UBE2O: variants seen among roughly 807,000 people sequenced by gnomAD.
UBE2O encodes (E3-independent) E2 ubiquitin-conjugating enzyme.
UBE2O carries 15 observed loss-of-function variants against 125.8 expected under a neutral mutation model. That is an observed-to-expected ratio of 0.12 (90% CI 0.08 to 0.18). The LOEUF (loss-of-function observed/expected upper bound fraction) is 0.18. UBE2O is among the 10% of genes least tolerant of loss of function. The pLI is 1.00. For missense variants in UBE2O, 1,280 were observed against 1,723.6 expected (o/e 0.74, Z 4.56); for synonymous variants, 708 against 703.2 (o/e 1.01, Z -0.11).
At chr17:76,407,844 T>C (rs346811) in intron 1 of UBE2O, among the ~76,000 whole-genome samples, 134,347 of 152,292 alleles carry the variant, frequency 0.88, 59,397 homozygotes, top group East Asian at 1. Context: ...CAGCTCCACC[T>C]CACCAGGATG....
intron 1 of UBE2O, among the ~76,000 whole-genome samples, chr17:76,407,231 C>T (rs369083653): frequency 6.6e-6 from 1 of 152,198 alleles, no homozygotes; most frequent in East Asian, 1.9e-4. Context: ...GCCCTGTGAG[C>T]TGCAGGGTGA....
chr17:76,401,217 T>G, intron 5 of UBE2O, 63 bp from the exon 6 acceptor site: 1 of 1,576,330 alleles, frequency 6.3e-7, no homozygotes, highest in Non-Finnish European at 8.6e-7. Flanking sequence ...GACCATGCTC[T>G]CCACGCCTGT....
chr17:76,445,234 T>C (rs12601703), intron 1 of UBE2O, among the ~76,000 whole-genome samples: 3,263 of 152,284 alleles, frequency 0.021, 87 homozygotes, highest in South Asian at 0.088. Context: ...TTTTTTTCTT[T>C]TTCCAAGCAT....
chr17:76,435,786 C>T (rs1422643321), intron 1 of UBE2O, among the ~76,000 whole-genome samples: 1 of 152,236 alleles, frequency 6.6e-6, no homozygotes, highest in Non-Finnish European at 1.5e-5. Context: ...GAGCCACATT[C>T]CCTGAGCTGA....
At chr17:76,435,555 C>T (rs1457490252) in intron 1 of UBE2O, among the ~76,000 whole-genome samples, 1 of 152,126 alleles carries the variant, frequency 6.6e-6, no homozygotes, top group Non-Finnish European at 1.5e-5. Context: ...CACAGGGAAA[C>T]AGACGCAGAG....
In UBE2O at chr17:76,396,192, G is replaced by C. The variant is rs770445613; in HGVS notation, c.2745C>G (p.Gly915=). ...CGCTGGTGAAGGTGACGCCAGGCTTGCCGCCACACTGCTGGCACAGCACCG... is the reference window on the plus strand; with the variant it reads ...CGCTGGTGAAGGTGACGCCAGGCTTCCCGCCACACTGCTGGCACAGCACCG... The part of the protein sequence containing the change: ...ETPVLCQQCG[G]KPGVTFTSAK... Residue 915 remains glycine (G), a synonymous_variant, in exon 14 of 18, where the codon GGC becomes GGG. Coordinates refer to ENST00000319380, the MANE Select transcript of UBE2O (RefSeq NM_022066.4). This position sits in a 1 kb window ranked among gnomAD's most constrained non-coding sequence, Gnocchi z 6.7. The C allele has an allele frequency of 6.8e-6, 11 of 1,613,922 alleles. No individual in the cohort carries two copies. The highest frequency in any genetic ancestry group is 9.3e-6 in the Non-Finnish European group (11 of 1,179,982).
Position 76,398,258 on chromosome 17 carries a change from A to C in UBE2O, c.2022T>G (p.Asp674Glu), listed in dbSNP as rs199955445. ...NTEDGAPHKE[D>E]EPSVGQVARV... is the part of the protein sequence containing the mutation. Reference sequence around the variant, plus strand: ...GAACTTGAATTTGAAGGCGTACCTCATCCTCCTTGTGAGGAGCCCCATCCT... The same window carrying C: ...GAACTTGAATTTGAAGGCGTACCTCCTCCTCCTTGTGAGGAGCCCCATCCT... Residue 674 changes from aspartate to glutamate, a missense_variant, in exon 12 of 18, where the codon GAT (aspartate) becomes GAG (glutamate). By Grantham distance (45) the Asp-to-Glu change is conservative. Coordinates refer to ENST00000319380, the MANE Select transcript of UBE2O (RefSeq NM_022066.4). The surrounding 1 kb of genome is among the most constrained non-coding windows in gnomAD (Gnocchi z 5.4). The C allele has an allele frequency of 1.4e-4, 232 of 1,613,938 alleles. 1 individual carries two copies. The highest frequency in any genetic ancestry group is 1.8e-4 in the Non-Finnish European group (215 of 1,179,890).
intron 1 of UBE2O, among the ~76,000 whole-genome samples, chr17:76,412,837 G>A (rs1484059357): frequency 6.6e-6 from 1 of 152,248 alleles, no homozygotes; most frequent in East Asian, 1.9e-4. Flanking sequence ...GTGAAACCCC[G>A]TCTCTATTAA....
At chr17:76,403,812 C>A (rs934570653) in intron 3 of UBE2O, among the ~76,000 whole-genome samples, 1 of 151,980 alleles carries the variant, frequency 6.6e-6, no homozygotes. Context: ...ATGAGCCTGG[C>A]ACATCTCATG....
At chr17:76,420,367 G>A (rs1321337135) in intron 1 of UBE2O, among the ~76,000 whole-genome samples, 1 of 152,094 alleles carries the variant, frequency 6.6e-6, no homozygotes, top group Non-Finnish European at 1.5e-5. Context: ...GGAAGTGCAG[G>A]GGGGCCTATC....
rs745998318 is a variant in UBE2O at position 76,391,154 on chromosome 17, G to A, written c.3668C>T (p.Ala1223Val). The A allele has an allele frequency of 2.5e-6, 4 of 1,613,682 alleles. No individual in the cohort carries two copies. The East Asian group carries it at 6.7e-5, about 27-fold the overall frequency. Reference sequence around the variant, plus strand: ...ACTGGGTGGCACCGATGCGTCTGGTGCGGTCTCCGAAGTCTGGTCTGTGTG... The same window carrying A: ...ACTGGGTGGCACCGATGCGTCTGGTACGGTCTCCGAAGTCTGGTCTGTGTG... ...RDHTDQTSETAPDASVPPSVK... is the reference protein window; with the variant it reads ...RDHTDQTSETVPDASVPPSVK... Residue 1223 changes from alanine to valine, a missense_variant, in exon 18 of 18, where the codon GCA becomes GTA. Ala to Val is a moderately conservative substitution (Grantham distance 64). Around this residue, in one of 10 missense-constraint regions of UBE2O, gnomAD observed 233 missense variants for 279.0 expected, o/e 0.84. Coordinates refer to ENST00000319380, the MANE Select transcript of UBE2O (RefSeq NM_022066.4). The surrounding 1 kb of genome is among the most constrained non-coding windows in gnomAD (Gnocchi z 8.4).
At position 76,397,866 on chromosome 17, in the gene UBE2O, C is replaced by A; in HGVS notation, c.2048G>T (p.Arg683Leu). 1 of 1,614,164 alleles carries A rather than the reference C, an allele frequency of 6.2e-7. No individual in the cohort carries two copies. Among genetic ancestry groups the A allele is most frequent in the Non-Finnish European group, 8.5e-7 (1 of 1,180,032 alleles). Residue 683 changes from arginine (R) to leucine (L), a missense_variant, in exon 13 of 18, where the codon CGT (arginine) becomes CTT (leucine). Arg to Leu is a moderately radical substitution (Grantham distance 102). Coordinates refer to ENST00000319380, the MANE Select transcript of UBE2O (RefSeq NM_022066.4). ...CTCCACCTTGCTGCTGACGTCCACA[C>A]GGGCCACCTGGCCCACCGATGGCTG... ...EDEPSVGQVA[R>L]VDVSSKVEVV...
intron 1 of UBE2O, among the ~76,000 whole-genome samples, chr17:76,424,151 G>A (rs1194619664): frequency 2.7e-5 from 4 of 150,120 alleles, no homozygotes; most frequent in Non-Finnish European, 3.0e-5. Flanking sequence ...CTTGTGATCC[G>A]TCCGTCTCGG....
intron 1 of UBE2O, among the ~76,000 whole-genome samples, chr17:76,424,604 G>A (rs1441389138): frequency 6.6e-6 from 1 of 152,074 alleles, no homozygotes; most frequent in African/African-American, 2.4e-5. Context: ...GCTGAGTGAG[G>A]TGGCTCATGT....
At chr17:76,426,349 A>T (rs1216832345) in intron 1 of UBE2O, among the ~76,000 whole-genome samples, 1 of 152,166 alleles carries the variant, frequency 6.6e-6, no homozygotes. Flanking sequence ...TGGATACGGA[A>T]TTCTCTCAGA....
chr17:76,448,170 C>CA (rs1176250349), intron 1 of UBE2O, among the ~76,000 whole-genome samples: 5 of 152,182 alleles, frequency 3.3e-5, no homozygotes, highest in African/African-American at 1.2e-4. Flanking sequence ...GAAGCACCAT[C>CA]AGGGCACTGA....
intron 15 of UBE2O, among the ~76,000 whole-genome samples, chr17:76,392,540 C>G (rs1238227816): frequency 6.6e-6 from 1 of 151,694 alleles, no homozygotes; most frequent in South Asian, 2.1e-4. Flanking sequence ...GCTGGGTTTA[C>G]AGCCCTGAGC....
chr17:76,397,753 T>G (rs753835801), intron 13 of UBE2O, 46 bp downstream of exon 13: 16 of 1,595,360 alleles, frequency 1.0e-5, no homozygotes, highest in South Asian at 5.5e-5. Context: ...CCGGCCCAAG[T>G]TGCCATAGTC....
At chr17:76,433,018 T>C (rs1351893835) in intron 1 of UBE2O, among the ~76,000 whole-genome samples, 4 of 152,134 alleles carry the variant, frequency 2.6e-5, no homozygotes, top group Admixed American at 2.0e-4. Context: ...AGAAAGCAGT[T>C]TGGCAGTTGC....
Sources: allele counts gnomAD v4.1 joint callset (sites outside exome capture counted in the v4.1 genomes callset), GRCh38; gene constraint gnomAD v4.1.1; regional missense constraint gnomAD v4.1.1; non-coding constraint Gnocchi (gnomAD v3.1); transcripts MANE v1.5; gene names NCBI Gene and HGNC (gene_info 2026-07-23, HGNC 2026-07-21).